Variants in SV2B observed in about 807,000 individuals in gnomAD.
SV2B encodes the protein solute carrier family 22 member B2.
In SV2B, 41 loss-of-function variants were observed where a neutral mutation model predicts 73.9. The ratio of observed to expected loss-of-function variants is 0.56; its 90% confidence interval spans 0.43 to 0.72. The LOEUF is 0.72. Ranked by LOEUF, SV2B falls within the 30% of genes least tolerant of loss-of-function variation. The probability of loss-of-function intolerance (pLI) is 0.00; values close to 1 mark genes in which losing one functional copy is unlikely to be tolerated. For missense variants in SV2B, 764 were observed against 857.8 expected (o/e 0.89, Z 1.37); for synonymous variants, 314 against 314.2 (o/e 1.00, Z 0.01).
chr15:91,196,401 A>G (rs60085345), intron 1 of SV2B, among the ~76,000 whole-genome samples: 4,945 of 152,356 alleles, frequency 0.032, 254 homozygotes, highest in African/African-American at 0.11. Context: ...TTATGTCTAC[A>G]TGGGTCCTGG....
At chr15:91,250,448 AC>A (rs746300295) in intron 2 of SV2B, among the ~76,000 whole-genome samples, 8 of 152,186 alleles carry the variant, frequency 5.3e-5, no homozygotes, top group Non-Finnish European at 7.4e-5. Context: ...AAGAATGCCC[AC>A]TCTTGCCACT....
At chr15:91,127,672 T>C (rs1189277322) in intron 1 of SV2B, among the ~76,000 whole-genome samples, 1 of 152,066 alleles carries the variant, frequency 6.6e-6, no homozygotes. Flanking sequence ...GGTGTTTGTG[T>C]GTGCAGGGAG....
chr15:91,244,463 T>C (rs532868300), intron 2 of SV2B, among the ~76,000 whole-genome samples: 1 of 152,286 alleles, frequency 6.6e-6, no homozygotes, highest in South Asian at 2.1e-4. Context: ...TCTAGATTGG[T>C]TTCCACTAGA....
At chr15:91,219,873 A>G (rs1265174511) in intron 1 of SV2B, among the ~76,000 whole-genome samples, 1 of 152,222 alleles carries the variant, frequency 6.6e-6, no homozygotes, top group East Asian at 1.9e-4. Context: ...TCTAAATGGA[A>G]TCATACAACA....
At position 91,132,903 on chromosome 15, in the gene SV2B, A is replaced by G. The variant is rs181950037; in HGVS notation, c.-392+32540A>G. ...AAATTGTGCATGTCTCTGGTTCCTCATGGGAATTGGCGCCATTTCACTTAA... is the reference window on the plus strand; with the variant it reads ...AAATTGTGCATGTCTCTGGTTCCTCGTGGGAATTGGCGCCATTTCACTTAA... On this transcript the variant is annotated intron_variant, in intron 1 of 12. Coordinates refer to ENST00000394232, the MANE Select transcript of SV2B (RefSeq NM_001323032.3). The surrounding 1 kb of genome is among the most constrained non-coding windows in gnomAD (Gnocchi z 4.6). Among the ~76,000 whole-genome samples, 42 of 152,286 alleles carry G rather than the reference A, an allele frequency of 2.8e-4. No individual in the cohort carries two copies. The highest frequency in any genetic ancestry group is 3.9e-4 in the Admixed American group (6 of 15,292).
At chr15:91,180,336 T>C (rs1039564221) in intron 1 of SV2B, among the ~76,000 whole-genome samples, 5 of 152,118 alleles carry the variant, frequency 3.3e-5, no homozygotes, top group Non-Finnish European at 7.4e-5. Context: ...ATTTTTTCCT[T>C]CATTTCAACT....
Position 91,166,045 on chromosome 15 carries a change from G to A in SV2B, c.-391-59828G>A, listed in dbSNP as rs565671566. ...CTTAAAAAGGTTCCATTGTTTTCTG[G>A]CTTCCATGATTTCTTGTGAGAAATC... On this transcript the variant is annotated intron_variant, in intron 1 of 12. Coordinates refer to ENST00000394232, the MANE Select transcript of SV2B (RefSeq NM_001323032.3). Among the ~76,000 whole-genome samples, 52 of 152,200 alleles carry A rather than the reference G, an allele frequency of 3.4e-4. No individual in the cohort carries two copies. The South Asian group carries it at 5.4e-3, about 16-fold the overall frequency.
intron 1 of SV2B, among the ~76,000 whole-genome samples, chr15:91,150,556 T>C (rs1203015049): frequency 6.6e-6 from 1 of 152,244 alleles, no homozygotes; most frequent in Non-Finnish European, 1.5e-5. Context: ...TTGGATTTGT[T>C]TGTGAATGCC....
chr15:91,210,074 C>T (rs2045799623), intron 1 of SV2B, among the ~76,000 whole-genome samples: 2 of 151,932 alleles, frequency 1.3e-5, no homozygotes, highest in Admixed American at 1.3e-4. Flanking sequence ...AGGAGAGAAC[C>T]ACAGGGCCAA....
chr15:91,107,622 T>C (rs538229613), intron 1 of SV2B, among the ~76,000 whole-genome samples: 2 of 151,168 alleles, frequency 1.3e-5, no homozygotes, highest in African/African-American at 4.9e-5. Context: ...CTTTCTATTT[T>C]TTTTTGAGAC....
chr15:91,126,685 A>G lies in SV2B; in HGVS notation c.-392+26322A>G, dbSNP rs140137100. Among the ~76,000 whole-genome samples the G allele has an allele frequency of 3.7e-3, 562 of 152,346 alleles. 7 individuals carry two copies. Among genetic ancestry groups the G allele is most frequent in the Non-Finnish European group, 2.5e-3 (169 of 68,036 alleles). On this transcript the variant is annotated intron_variant, in intron 1 of 12. Coordinates refer to ENST00000394232, the MANE Select transcript of SV2B (RefSeq NM_001323032.3). ...TGACCAAATGGCATTTATCCCAAGA[A>G]TGCAAGTCTGGTTTAATGTTTAAAA...
chr15:91,260,172 T>A, intron 5 of SV2B, 148 bp from the exon 6 acceptor site: 2 of 613,484 alleles, frequency 3.3e-6, no homozygotes, highest in Non-Finnish European at 5.7e-6. Flanking sequence ...AGGTCCTAGA[T>A]GGTAATGAGT....
chr15:91,168,022 A>C (rs754969685), intron 1 of SV2B, among the ~76,000 whole-genome samples: 1 of 152,104 alleles, frequency 6.6e-6, no homozygotes, highest in East Asian at 1.9e-4. Flanking sequence ...TCAGTCTATA[A>C]TCTGGGGGAT....
At chr15:91,160,362 A>G (rs2043668414) in intron 1 of SV2B, among the ~76,000 whole-genome samples, 1 of 152,238 alleles carries the variant, frequency 6.6e-6, no homozygotes, top group African/African-American at 2.4e-5. Flanking sequence ...TAATCTCAGC[A>G]CTTGGGAGAC....
At position 91,294,282 on chromosome 15, in the gene SV2B, G is replaced by A. The variant is rs529736520; in HGVS notation, c.*1730G>A. The A allele has an allele frequency of 1.3e-5, 2 of 152,300 alleles. No homozygotes were observed. Among genetic ancestry groups the A allele is most frequent in the South Asian group, 4.1e-4 (2 of 4,822 alleles). The allele number at this position is 152,300 out of a possible 1,614,324, so 9.4% of individuals were successfully genotyped here. Reference sequence around the variant, plus strand: ...GTAATTTTCCTCAATTAACGGGTTGGTAGGGGTAAATCTTATGACACCTTT... The same window carrying A: ...GTAATTTTCCTCAATTAACGGGTTGATAGGGGTAAATCTTATGACACCTTT... On this transcript the variant is annotated 3_prime_UTR_variant, in exon 13 of 13. Transcript: ENST00000394232. This position sits in a 1 kb window ranked among gnomAD's most constrained non-coding sequence, Gnocchi z 4.1.
intron 1 of SV2B, among the ~76,000 whole-genome samples, chr15:91,177,125 C>T (rs2044342340): frequency 6.6e-6 from 1 of 150,774 alleles, no homozygotes; most frequent in African/African-American, 2.5e-5. Flanking sequence ...GCCAGTTTTC[C>T]CAGCACCATT....
chr15:91,220,358 T>C lies in SV2B; in HGVS notation c.-391-5515T>C, dbSNP rs994045404. On this transcript the variant is annotated intron_variant, in intron 1 of 12. Transcript: ENST00000394232. This position sits in a 1 kb window ranked among gnomAD's most constrained non-coding sequence, Gnocchi z 4.1. ...GCAGGTTTTTGTTCAGGTCTTCTCA[T>C]AGCCTTTAATATAGCAATGTGCATT... Among the ~76,000 whole-genome samples the C allele has an allele frequency of 1.3e-5, 2 of 152,236 alleles. No individual in the cohort carries two copies. Among genetic ancestry groups the C allele is most frequent in the Non-Finnish European group, 2.9e-5 (2 of 68,044 alleles).
chr15:91,203,521 G>A (rs1383127031), intron 1 of SV2B, among the ~76,000 whole-genome samples: 1 of 152,234 alleles, frequency 6.6e-6, no homozygotes, highest in African/African-American at 2.4e-5. Context: ...GTGATGAAAT[G>A]CCTTTATATC....
intron 9 of SV2B, among the ~76,000 whole-genome samples, chr15:91,279,651 C>T (rs1166497772): frequency 6.6e-6 from 1 of 152,192 alleles, no homozygotes; most frequent in African/African-American, 2.4e-5. Context: ...CTGCGTCAGA[C>T]CCATTTATGA....
Sources: gnomAD v4.1 joint callset for allele counts (sites outside exome capture counted in the v4.1 genomes callset) on GRCh38, gnomAD v4.1.1 for gene constraint, Gnocchi (gnomAD v3.1) non-coding constraint, MANE v1.5 for transcripts, NCBI Gene and HGNC (gene_info 2026-07-23, HGNC 2026-07-21) for gene names.